The following GUCY2F variants were observed in gnomAD, a reference collection of about 807,000 sequenced individuals.
GUCY2F encodes guanylate cyclase 2F, retinal.
A neutral mutation model predicts 73.1 loss-of-function variants in GUCY2F; 61 were observed. That is an observed-to-expected ratio of 0.83 (90% CI 0.68 to 1.03). The LOEUF is 1.03. Among genes scored for constraint, GUCY2F ranks in the 50% least tolerant of loss-of-function variants. The pLI, the probability that GUCY2F is intolerant of heterozygous loss-of-function variation, is 0.00. For synonymous variants in GUCY2F, 331 were observed against 307.8 expected (o/e 1.08, Z -0.79); for missense variants, 912 against 854.3 (o/e 1.07, Z -0.84).
At chrX:109,419,411 T>C (rs1227849774) in intron 8 of GUCY2F, among the ~76,000 whole-genome samples, 1 of 110,951 alleles carries the variant, frequency 9.0e-6, no homozygotes, top group African/African-American at 3.3e-5. Flanking sequence ...TCAAAAACTA[T>C]GTAATTCACC....
chrX:109,464,712 A>G (rs925051440), intron 3 of GUCY2F, among the ~76,000 whole-genome samples: 11 of 112,685 alleles, frequency 9.8e-5, no homozygotes, highest in Non-Finnish European at 1.9e-5. Context: ...TCAAATGCCT[A>G]CAGGTAGAAG....
At chrX:109,445,993 A>G (rs1383456960) in intron 6 of GUCY2F, among the ~76,000 whole-genome samples, 13 of 110,821 alleles carry the variant, frequency 1.2e-4, no homozygotes, top group East Asian at 5.6e-4. Flanking sequence ...GACAAACAGA[A>G]AGCCAAATCA....
intron 3 of GUCY2F, among the ~76,000 whole-genome samples, chrX:109,462,353 A>G (rs760704212): frequency 8.9e-6 from 1 of 112,813 alleles, no homozygotes; most frequent in Non-Finnish European, 1.9e-5. Flanking sequence ...TGAGCAAGAT[A>G]ATTTAAGGAA....
rs1322167701 is a variant in GUCY2F at position 109,398,646 on chromosome X, T to G, written c.2178A>C (p.Leu726Phe). Residue 726 changes from leucine (L) to phenylalanine (F), a missense_variant, in exon 11 of 20, where the codon TTA (leucine) becomes TTC (phenylalanine). Physicochemically the swap from Leu to Phe is conservative, Grantham distance 22. Coordinates refer to ENST00000218006, the MANE Select transcript of GUCY2F (RefSeq NM_001522.3). ...TATAGACATCTCCTGCAAAAGAACC[T>G]AACCTGCTGCCTCTTGGAGCTCTCA... ...ELLRAPRGSR[L>F]GSFAGDVYSF... 2 of 1,209,704 alleles carry G rather than the reference T, an allele frequency of 1.7e-6. No homozygotes were observed. The highest frequency in any genetic ancestry group is 2.2e-6 in the Non-Finnish European group (2 of 893,588).
intron 16 of GUCY2F, among the ~76,000 whole-genome samples, chrX:109,384,518 G>C (rs1930390246): frequency 8.9e-6 from 1 of 111,998 alleles, no homozygotes; most frequent in South Asian, 3.7e-4. Flanking sequence ...ATGGCATATG[G>C]TTTGTACAGT....
At chrX:109,446,816 A>G (rs1431174107) in intron 6 of GUCY2F, among the ~76,000 whole-genome samples, 5 of 112,178 alleles carry the variant, frequency 4.5e-5, no homozygotes, top group African/African-American at 1.3e-4. Flanking sequence ...AGCAAAAGAA[A>G]CTACCATCAG....
intron 3 of GUCY2F, among the ~76,000 whole-genome samples, chrX:109,458,297 G>T (rs765293347): frequency 4.5e-5 from 5 of 111,963 alleles, no homozygotes; most frequent in African/African-American, 9.7e-5. Context: ...AGCAGACTTG[G>T]GTTGGAATCC....
At chrX:109,387,976 T>G (rs1394378663) in intron 15 of GUCY2F, among the ~76,000 whole-genome samples, 2 of 108,041 alleles carry the variant, frequency 1.9e-5, no homozygotes, top group African/African-American at 6.8e-5. Context: ...AAGGAGGGAG[T>G]GGACAGTGAA....
At chrX:109,395,591 G>T in intron 11 of GUCY2F, 102 bp from the exon 12 acceptor site, 1 of 646,068 alleles carries the variant, frequency 1.5e-6, no homozygotes, top group East Asian at 3.2e-5. Flanking sequence ...TAGGTTAGGA[G>T]ATAACACAGA....
chrX:109,423,863 T>C (rs1931425247), intron 8 of GUCY2F, among the ~76,000 whole-genome samples: 2 of 110,742 alleles, frequency 1.8e-5, no homozygotes, highest in African/African-American at 6.6e-5. Context: ...ACAAATTAAA[T>C]ACAAAGTAAG....
At chrX:109,413,814 C>T (rs1931172098) in intron 8 of GUCY2F, among the ~76,000 whole-genome samples, 1 of 111,525 alleles carries the variant, frequency 9.0e-6, no homozygotes, top group Admixed American at 9.5e-5. Context: ...TCTACGTGTC[C>T]CTCTTCCACA....
Position 109,409,090 on chromosome X carries a change from C to T in GUCY2F, c.1870G>A (p.Glu624Lys). ...YDSGMFAIVT[E>K]FCSRGSLEDI... ...TCTAGGCTCCCTCGGGAACAGAATT[C>T]TGTCACAATGGCAAACATCCCCGAA... The change falls in exon 9 of 20, where the codon GAA becomes AAA. Residue 624 changes from glutamate to lysine, a missense_variant. By Grantham distance (56) the Glu-to-Lys change is moderately conservative. Transcript: ENST00000218006. 2 of 1,096,534 alleles carry T rather than the reference C, an allele frequency of 1.8e-6. No homozygotes were observed. Among genetic ancestry groups the T allele is most frequent in the Non-Finnish European group, 2.5e-6 (2 of 790,315 alleles). 90.4% of individuals were successfully genotyped at this position (1,096,534 alleles called of 1,213,427 possible). A position where few individuals can be genotyped will look rare whatever the true frequency, so the allele number is the denominator to read the frequency against.
intron 10 of GUCY2F, among the ~76,000 whole-genome samples, chrX:109,401,009 C>A (rs1436338157): frequency 8.9e-6 from 1 of 112,034 alleles, no homozygotes; most frequent in Non-Finnish European, 1.9e-5. Context: ...GCAAAACTCT[C>A]TGGTAAAAGC....
At chrX:109,481,136 A>C (rs1162591373) in intron 1 of GUCY2F, among the ~76,000 whole-genome samples, 20 of 101,195 alleles carry the variant, frequency 2.0e-4, no homozygotes, top group African/African-American at 5.7e-4. Flanking sequence ...AAGGGGCAAG[A>C]TAGGGGGAGG....
intron 2 of GUCY2F, 39 bp downstream of exon 2, chrX:109,475,168 T>G: frequency 8.6e-7 from 1 of 1,167,001 alleles, no homozygotes; most frequent in Non-Finnish European, 1.2e-6. Flanking sequence ...TCTCTTTCCC[T>G]GAAGTCACGT....
chrX:109,455,386 TCTAA>T (rs1224992859), intron 3 of GUCY2F, among the ~76,000 whole-genome samples: 5 of 111,816 alleles, frequency 4.5e-5, no homozygotes, highest in Admixed American at 9.5e-5. Context: ...AGTCATCTTG[TCTAA>T]CTATCTTACT....
intron 8 of GUCY2F, among the ~76,000 whole-genome samples, chrX:109,424,480 C>CTATA (rs1931439067): frequency 9.0e-6 from 1 of 111,363 alleles, no homozygotes; most frequent in African/African-American, 3.3e-5. Flanking sequence ...CTGTATGTTG[C>CTATA]TATAATGGTG....
intron 1 of GUCY2F, among the ~76,000 whole-genome samples, chrX:109,476,717 G>A (rs1331489127): frequency 4.3e-5 from 4 of 93,222 alleles, no homozygotes; most frequent in African/African-American, 8.2e-5. Flanking sequence ...GAAAGACCCA[G>A]AGGTAAAGAT....
intron 19 of GUCY2F, among the ~76,000 whole-genome samples, chrX:109,373,595 C>T (rs749518169): frequency 2.3e-4 from 26 of 112,294 alleles, no homozygotes; most frequent in African/African-American, 7.4e-4. Context: ...TATCCCAAGC[C>T]TGCCAGTGTG....
Sources: allele counts gnomAD v4.1 joint callset (sites outside exome capture counted in the v4.1 genomes callset), GRCh38; gene constraint gnomAD v4.1.1; transcripts MANE v1.5; gene names NCBI Gene and HGNC (gene_info 2026-07-23, HGNC 2026-07-21).